Variants in TNRC6B observed in about 807,000 individuals in gnomAD.
TNRC6B encodes the protein trinucleotide repeat-containing gene 6B protein.
A neutral mutation model predicts 203.6 loss-of-function variants in TNRC6B; 52 were observed. The ratio of observed to expected loss-of-function variants is 0.26; its 90% CI spans 0.20 to 0.32. TNRC6B has a LOEUF of 0.32. Among genes scored for constraint, TNRC6B ranks in the 10% least tolerant of loss-of-function variants. The pLI, the probability that TNRC6B is intolerant of heterozygous loss-of-function variation, is 1.00. For missense variants in TNRC6B, 1,923 were observed against 2,286.2 expected (o/e 0.84, Z 3.24); for synonymous variants, 838 against 845.7 (o/e 0.99, Z 0.16).
At chr22:40,275,403 G>A (rs1340607656) in intron 7 of TNRC6B, among the ~76,000 whole-genome samples, 1 of 152,132 alleles carries the variant, frequency 6.6e-6, no homozygotes, top group African/African-American at 2.4e-5. Context: ...GACTCTTTCA[G>A]CCCCAGTACC....
In TNRC6B at chr22:40,243,356, A is replaced by C. The variant is rs1311051308; in HGVS notation, c.6-2659A>C. On this transcript the variant is annotated intron_variant, in intron 1 of 22. Coordinates refer to ENST00000454349, the MANE Select transcript of TNRC6B (RefSeq NM_001162501.2). ...CCTAAGGAAGTGAAATTTAAAAAGA[A>C]GACTAACTCCTACCAAAACAAAACA... Among the ~76,000 whole-genome samples, 4 of 152,346 alleles carry C rather than the reference A, an allele frequency of 2.6e-5. No homozygotes were observed. In the East Asian group the frequency reaches 7.7e-4, roughly 29 times the overall value.
intron 3 of TNRC6B, among the ~76,000 whole-genome samples, chr22:40,255,536 G>T (rs2070261267): frequency 6.6e-6 from 1 of 152,212 alleles, no homozygotes. Flanking sequence ...TAACACAGTG[G>T]TGGGGAGCCA....
rs527404070 is a variant in TNRC6B at position 40,063,663 on chromosome 22, A to G, written c.-121+18665A>G. Among the ~76,000 whole-genome samples the G allele has an allele frequency of 7.3e-5, 11 of 151,072 alleles. No individual in the cohort carries two copies. The East Asian group carries it at 2.1e-3, about 29-fold the overall frequency. The stretch of plus-strand genomic sequence containing the variant: ...TATTCCTAAGAGTTTATTCTTTTTG[A>G]TGTTAGGTTTTTTTCTTTTTTCTTT... On this transcript the variant is annotated intron_variant, in intron 1 of 23. Coordinates refer to the TNRC6B transcript ENST00000301923.
At chr22:40,279,165 C>G (rs2070691838) in intron 9 of TNRC6B, among the ~76,000 whole-genome samples, 1 of 152,190 alleles carries the variant, frequency 6.6e-6, no homozygotes, top group Non-Finnish European at 1.5e-5. Context: ...TCGTTATTGA[C>G]AAACTCTCAC....
intron 1 of TNRC6B, among the ~76,000 whole-genome samples, chr22:40,190,977 T>G (rs746745468): frequency 3.3e-5 from 5 of 152,344 alleles, no homozygotes; most frequent in Non-Finnish European, 7.4e-5. Context: ...TTTTTATCTT[T>G]GGAACTCAAC....
chr22:40,160,095 C>T (rs2068858445), intron 4 of TNRC6B, among the ~76,000 whole-genome samples: 5 of 152,152 alleles, frequency 3.3e-5, no homozygotes. Context: ...GGATTACAGG[C>T]ATGAACCTCC....
chr22:40,152,217 G>A (rs12157613), intron 3 of TNRC6B, among the ~76,000 whole-genome samples: 213 of 152,316 alleles, frequency 1.4e-3, no homozygotes, highest in African/African-American at 4.9e-3. Flanking sequence ...CAATACACTA[G>A]GACTTAGAAT....
At chr22:40,318,221 C>G (rs1423044083) in intron 21 of TNRC6B, among the ~76,000 whole-genome samples, 1 of 152,114 alleles carries the variant, frequency 6.6e-6, no homozygotes, top group Non-Finnish European at 1.5e-5. Context: ...TGGGTCAGCT[C>G]TTAATCTCTG....
At position 40,300,896 on chromosome 22, in the gene TNRC6B, C is replaced by G. The variant is rs1027622218; in HGVS notation, c.3841-14C>G. On this transcript the variant is annotated splice_polypyrimidine_tract_variant and intron_variant, in intron 13 of 22. Transcript: ENST00000454349. ...GGAAACTTTGGTTTTCTGTCTTTCCCCCTTGTTTTGTAGGCATGTCAGCTT... is the reference window on the plus strand; with the variant it reads ...GGAAACTTTGGTTTTCTGTCTTTCCGCCTTGTTTTGTAGGCATGTCAGCTT... 1 of 1,611,916 alleles carries G rather than the reference C, an allele frequency of 6.2e-7. No individual in the cohort carries two copies. Among genetic ancestry groups the G allele is most frequent in the South Asian group, 1.1e-5 (1 of 90,436 alleles).
At chr22:40,291,915 G>A (rs1184439036) in intron 12 of TNRC6B, among the ~76,000 whole-genome samples, 2 of 152,192 alleles carry the variant, frequency 1.3e-5, no homozygotes, top group South Asian at 2.1e-4. Context: ...TACTGAGGCC[G>A]GGCTCAGTGG....
chr22:40,177,868 C>G (rs1007869542), upstream of TNRC6B: 30 of 1,311,548 alleles, frequency 2.3e-5, no homozygotes, highest in Non-Finnish European at 2.7e-5. Flanking sequence ...ATTGACAAAC[C>G]TACCCGAAGT....
chr22:40,221,991 A>C (rs528699070), intron 1 of TNRC6B, among the ~76,000 whole-genome samples: 4 of 152,082 alleles, frequency 2.6e-5, no homozygotes, highest in Non-Finnish European at 5.9e-5. Flanking sequence ...TTACTTTAAA[A>C]TGTACCAGAA....
At chr22:40,052,222 CT>C (rs1189038556) in intron 1 of TNRC6B, among the ~76,000 whole-genome samples, 3 of 152,172 alleles carry the variant, frequency 2.0e-5, no homozygotes, top group African/African-American at 7.2e-5. Flanking sequence ...TCTCTGAAAA[CT>C]TTTAACAATT....
rs531849426 is a variant in TNRC6B at position 40,334,182 on chromosome 22, T to G, written c.*10941T>G. 2 of 152,970 alleles carry G rather than the reference T, an allele frequency of 1.3e-5. No homozygotes were observed. Among genetic ancestry groups the G allele is most frequent in the East Asian group, 1.9e-4 (1 of 5,194 alleles). 9.5% of individuals were successfully genotyped at this position (152,970 alleles called of 1,614,324 possible). On this transcript the variant is annotated 3_prime_UTR_variant, in exon 23 of 23. Transcript: ENST00000454349. The stretch of plus-strand genomic sequence containing the variant: ...AAAGGGCTTTGCTGATCTCTGCACT[T>G]CTTTCCTGGGACACTCCCCCCACCA...
chr22:40,116,133 C>A (rs1486234591), intron 1 of TNRC6B, among the ~76,000 whole-genome samples: 1 of 152,226 alleles, frequency 6.6e-6, no homozygotes, highest in Non-Finnish European at 1.5e-5. Context: ...CCCTGACTTA[C>A]AATCTCTAGC....
rs10534254 is a variant in TNRC6B at position 40,331,645 on chromosome 22, ATTTT to A, written c.*8426_*8429del. ...ACTGAATTTAAGAAGAGGTTGTTGGATTTTTTTTTTTTTTTTTTTTTTTTTCAAA... is the reference window on the plus strand; with the variant it reads ...ACTGAATTTAAGAAGAGGTTGTTGGATTTTTTTTTTTTTTTTTTTTTCAAA... On this transcript the variant is annotated 3_prime_UTR_variant, in exon 23 of 23. Coordinates refer to ENST00000454349, the MANE Select transcript of TNRC6B (RefSeq NM_001162501.2). 4,776 of 132,742 alleles carry A rather than the reference ATTTT, an allele frequency of 0.036. 29 individuals are homozygous for A. The highest frequency in any genetic ancestry group is 0.05 in the Middle Eastern group (15 of 302). 8.2% of individuals were successfully genotyped at this position (132,742 alleles called of 1,614,324 possible).
chr22:40,148,413 A>G (rs1228440974), intron 3 of TNRC6B, among the ~76,000 whole-genome samples: 1 of 150,924 alleles, frequency 6.6e-6, no homozygotes, highest in African/African-American at 2.4e-5. Context: ...CCTCCTGAGT[A>G]GCTGGGATTA....
At chr22:40,170,449 TTA>T (rs1247283162) in intron 4 of TNRC6B, among the ~76,000 whole-genome samples, 7 of 13,964 alleles carry the variant, frequency 5.0e-4, no homozygotes, top group South Asian at 3.6e-3. Flanking sequence ...TATATATATA[TTA>T]TATATATAGT....
At chr22:40,207,235 G>T (rs2069490120) in intron 1 of TNRC6B, among the ~76,000 whole-genome samples, 1 of 151,854 alleles carries the variant, frequency 6.6e-6, no homozygotes, top group South Asian at 2.1e-4. Flanking sequence ...TGACCTTGGA[G>T]CAGGGATGAT....
Sources: allele counts gnomAD v4.1 joint callset (sites outside exome capture counted in the v4.1 genomes callset), GRCh38; gene constraint gnomAD v4.1.1; transcripts MANE v1.5; gene names NCBI Gene and HGNC (gene_info 2026-07-23, HGNC 2026-07-21).